The following PPP2R2A variants were observed in gnomAD, a reference collection of about 807,000 sequenced individuals.
PPP2R2A encodes serine/threonine-protein phosphatase 2A 55 kDa regulatory subunit B alpha isoform.
A neutral mutation model predicts 53.2 loss-of-function variants in PPP2R2A; 9 were observed. The observed-to-expected ratio is 0.17, with a 90% CI of 0.10 to 0.30. The LOEUF is 0.30. PPP2R2A is among the 10% of genes least tolerant of loss of function. The pLI is 1.00. For missense variants in PPP2R2A, 235 were observed against 534.6 expected (o/e 0.44, Z 5.53); for synonymous variants, 169 against 174.2 (o/e 0.97, Z 0.23).
intron 2 of PPP2R2A, among the ~76,000 whole-genome samples, chr8:26,336,353 C>T (rs1236372361): frequency 6.6e-6 from 1 of 152,022 alleles, no homozygotes; most frequent in Non-Finnish European, 1.5e-5. Context: ...TGCTTGAACC[C>T]GGGAGGTCAA....
chr8:26,353,330 A>G (rs1429258601), intron 3 of PPP2R2A, among the ~76,000 whole-genome samples: 2 of 152,216 alleles, frequency 1.3e-5, no homozygotes, highest in Non-Finnish European at 2.9e-5. Context: ...GGGTTCAAAT[A>G]CAACCATCCA....
rs983573298 is a variant in PPP2R2A at position 26,321,068 on chromosome 8, G to A, written c.83-17822G>A. Among the ~76,000 whole-genome samples the A allele has an allele frequency of 6.6e-6, 1 of 152,094 alleles. No individual in the cohort carries two copies. The highest frequency in any genetic ancestry group is 2.4e-5 in the African/African-American group (1 of 41,400). Reference sequence around the variant, plus strand: ...TCAGTATCCTTGGAAACCCTGGAACGGTGCCATAACTAAACTAAAAAAATT... The same window carrying A: ...TCAGTATCCTTGGAAACCCTGGAACAGTGCCATAACTAAACTAAAAAAATT... On this transcript the variant is annotated intron_variant, in intron 2 of 9. Transcript: ENST00000380737. The surrounding 1 kb of genome is among the most constrained non-coding windows in gnomAD (Gnocchi z 4.1).
intron 2 of PPP2R2A, among the ~76,000 whole-genome samples, chr8:26,295,019 A>G (rs1017923293): frequency 1.3e-5 from 2 of 152,200 alleles, no homozygotes; most frequent in African/African-American, 4.8e-5. Context: ...CCTGACTTCA[A>G]GGGAGGAGTT....
At chr8:26,299,069 T>C (rs1801667675) in intron 2 of PPP2R2A, among the ~76,000 whole-genome samples, 1 of 151,978 alleles carries the variant, frequency 6.6e-6, no homozygotes, top group Admixed American at 6.6e-5. Context: ...AATCCAGGAG[T>C]CTGAGACCAG....
chr8:26,293,272 CTA>C (rs752522730), intron 1 of PPP2R2A: 4 of 1,534,804 alleles, frequency 2.6e-6, no homozygotes, highest in African/African-American at 1.4e-5. Flanking sequence ...TCTCTTCGTT[CTA>C]TGTTTCATGG....
intron 2 of PPP2R2A, among the ~76,000 whole-genome samples, chr8:26,307,188 T>C (rs947730672): frequency 6.6e-6 from 1 of 152,194 alleles, no homozygotes. Flanking sequence ...TTGTACACAT[T>C]TGGAATTTAC....
intron 3 of PPP2R2A, among the ~76,000 whole-genome samples, chr8:26,343,993 A>G (rs907364532): frequency 3.1e-4 from 47 of 152,204 alleles, no homozygotes; most frequent in African/African-American, 1.1e-3. Context: ...TCAATTTTTA[A>G]CCCCTGGTAG....
At chr8:26,327,377 G>A (rs1563300077) in intron 2 of PPP2R2A, among the ~76,000 whole-genome samples, 1 of 152,182 alleles carries the variant, frequency 6.6e-6, no homozygotes, top group Non-Finnish European at 1.5e-5. Flanking sequence ...CCTTTGAAGA[G>A]TATTAAAAGG....
intron 2 of PPP2R2A, 197 bp downstream of exon 2, chr8:26,293,937 A>AT (rs1169366219): frequency 1.9e-5 from 11 of 569,570 alleles, no homozygotes; most frequent in African/African-American, 1.9e-4. Flanking sequence ...TGTTTTTATT[A>AT]TTTTTTCCTC....
At chr8:26,358,174 A>G (rs1341467406) in intron 4 of PPP2R2A, among the ~76,000 whole-genome samples, 4 of 143,084 alleles carry the variant, frequency 2.8e-5, no homozygotes, top group African/African-American at 9.8e-5. Context: ...TGTAAACACT[A>G]TTAGGCACCA....
At chr8:26,293,448 G>A (rs1801400038) in intron 1 of PPP2R2A, 1 of 699,570 alleles carries the variant, frequency 1.4e-6, no homozygotes. Context: ...CAGAACATGT[G>A]CCTTTAAATA....
intron 2 of PPP2R2A, among the ~76,000 whole-genome samples, chr8:26,302,684 C>T (rs191239563): frequency 2.6e-5 from 4 of 152,312 alleles, no homozygotes; most frequent in Admixed American, 2.6e-4. Flanking sequence ...GGATTTTCTT[C>T]ATATATTTAA....
intron 2 of PPP2R2A, among the ~76,000 whole-genome samples, chr8:26,311,420 A>G (rs1161446539): frequency 6.6e-6 from 1 of 152,256 alleles, no homozygotes; most frequent in Non-Finnish European, 1.5e-5. Flanking sequence ...GGCATTTGGT[A>G]AAACTAGGGA....
In PPP2R2A at chr8:26,370,390, A is replaced by G; in HGVS notation, c.1321A>G (p.Ile441Val). The change falls in exon 10 of 10, where the codon ATA (isoleucine) becomes GTA (valine). Residue 441 changes from isoleucine (I) to valine (V), a missense_variant. By Grantham distance (29) the Ile-to-Val change is conservative (BLOSUM62 3). Transcript: ENST00000380737. The surrounding 1 kb of genome is among the most constrained non-coding windows in gnomAD (Gnocchi z 6.1). ...CGTAGCTACTACAAACAATCTGTAT[A>G]TATTTCAAGACAAAGTGAATTAGGG... ...IAVATTNNLY[I>V]FQDKVN The G allele has an allele frequency of 3.1e-6, 5 of 1,614,188 alleles. No individual in the cohort carries two copies. Among genetic ancestry groups the G allele is most frequent in the Non-Finnish European group, 3.4e-6 (4 of 1,180,016 alleles).
chr8:26,336,253 G>A (rs1181079309), intron 2 of PPP2R2A, among the ~76,000 whole-genome samples: 2 of 151,890 alleles, frequency 1.3e-5, no homozygotes, highest in Non-Finnish European at 2.9e-5. Context: ...GCAACACCCT[G>A]TCTATAAAAA....
At chr8:26,352,634 G>T (rs1451901196) in intron 3 of PPP2R2A, among the ~76,000 whole-genome samples, 1 of 152,194 alleles carries the variant, frequency 6.6e-6, no homozygotes. Flanking sequence ...GCAAAGAGAT[G>T]GAGCTTCTTG....
chr8:26,337,490 G>T (rs1432076756), intron 2 of PPP2R2A, among the ~76,000 whole-genome samples: 1 of 152,204 alleles, frequency 6.6e-6, no homozygotes, highest in Non-Finnish European at 1.5e-5. Context: ...TGTGCTTTAA[G>T]TGCAGGGACT....
chr8:26,294,628 T>TA (rs983772333), intron 2 of PPP2R2A, among the ~76,000 whole-genome samples: 26 of 152,336 alleles, frequency 1.7e-4, no homozygotes, highest in African/African-American at 5.8e-4. Flanking sequence ...TTGTGAGTTT[T>TA]AAAAATTTGG....
chr8:26,312,890 T>A (rs1802357832), intron 2 of PPP2R2A, among the ~76,000 whole-genome samples: 1 of 152,282 alleles, frequency 6.6e-6, no homozygotes, highest in African/African-American at 2.4e-5. Context: ...ATGTAGCTCA[T>A]GTATATAGTT....
Sources: allele counts gnomAD v4.1 joint callset (sites outside exome capture counted in the v4.1 genomes callset), GRCh38; gene constraint gnomAD v4.1.1; non-coding constraint Gnocchi (gnomAD v3.1); transcripts MANE v1.5; gene names NCBI Gene and HGNC (gene_info 2026-07-23, HGNC 2026-07-21).